The following MED1 variants were observed in gnomAD, a reference collection of about 807,000 sequenced individuals.
The protein encoded by MED1 is mediator complex subunit 1, also known as mediator of RNA polymerase II transcription subunit 1.
Under a neutral mutation model 121.3 loss-of-function variants are expected in MED1, and 17 were observed. That is an observed-to-expected ratio of 0.14 (90% confidence interval 0.10 to 0.21). The LOEUF is 0.21. MED1 is among the 10% of genes least tolerant of loss of function. MED1 has a pLI of 1.00. For synonymous variants in MED1, 661 were observed against 694.4 expected (o/e 0.95, Z 0.76); for missense variants, 1,558 against 1,919.4 (o/e 0.81, Z 3.52).
chr17:39,420,599 C>G (rs2144732877), intron 13 of MED1, among the ~76,000 whole-genome samples: 1 of 151,976 alleles, frequency 6.6e-6, no homozygotes, highest in Non-Finnish European at 1.5e-5. Context: ...CAGATAAATA[C>G]AAGTCCAGAT....
rs1454655055 is a variant in MED1 at position 39,431,952 on chromosome 17, T to C, written c.565A>G (p.Ile189Val). The C allele has an allele frequency of 3.7e-6, 6 of 1,600,866 alleles. No homozygotes were observed. Among genetic ancestry groups the C allele is most frequent in the Middle Eastern group, 1.7e-4 (1 of 6,042 alleles). The change falls in exon 8 of 17, where the codon ATT becomes GTT. Residue 189 changes from isoleucine to valine, a missense_variant. Physicochemically the swap from Ile to Val is conservative, Grantham distance 29. Transcript: ENST00000300651. ...SLEQDLSKMA[I>V]MYWKATNAGP... ...TTTTAGCAGTCTTACCAGTACATAATTGCCATTTTAGAAAGATCTTGTTCT... is the reference window on the plus strand; with the variant it reads ...TTTTAGCAGTCTTACCAGTACATAACTGCCATTTTAGAAAGATCTTGTTCT...
At position 39,405,179 on chromosome 17, in the gene MED1, A is replaced by T; in HGVS notation, c.*2296T>A. 1.3e-6 allele frequency: 2 copies of T among 1,526,564 alleles called. No individual in the cohort carries two copies. Among genetic ancestry groups the T allele is most frequent in the Non-Finnish European group, 1.8e-6 (2 of 1,132,332 alleles). The allele number at this position is 1,526,564 out of a possible 1,614,324, so 94.6% of individuals were successfully genotyped here. A position where few individuals can be genotyped will look rare whatever the true frequency, so the allele number is the denominator to read the frequency against. ...AGAAATGCAGTGCTCCCTGGTTCTC[A>T]GGCAGGGTGAAGCAGTTTAGCCCCG... On this transcript the variant is annotated 3_prime_UTR_variant, in exon 17 of 17. Transcript: ENST00000300651.
chr17:39,421,042 C>T (rs1457679574), intron 13 of MED1, among the ~76,000 whole-genome samples: 1 of 151,366 alleles, frequency 6.6e-6, no homozygotes, highest in Non-Finnish European at 1.5e-5. Flanking sequence ...ATGATCTGCC[C>T]GCCTCGGCCT....
rs150659548 is a variant in MED1 at position 39,407,848 on chromosome 17, G to T, written c.4373C>A (p.Pro1458His). ...CTCACTTTCACTGTCCAGATTCTGG[G>T]GGGTATATGCTGGTGACTTACTATG... is the stretch of plus-strand genomic sequence containing the variant. ...PSHSKSPAYT[P>H]QNLDSESESG... The change falls in exon 17 of 17, where the codon CCC becomes CAC. Residue 1458 changes from proline (P) to histidine (H), a missense_variant. Transcript: ENST00000300651. 1 of 1,614,136 alleles carries T rather than the reference G, an allele frequency of 6.2e-7. No individual in the cohort carries two copies. Among genetic ancestry groups the T allele is most frequent in the East Asian group, 2.2e-5 (1 of 44,892 alleles).
At chr17:39,420,993 T>C (rs2144733623) in intron 13 of MED1, among the ~76,000 whole-genome samples, 1 of 151,746 alleles carries the variant, frequency 6.6e-6, no homozygotes, top group South Asian at 2.1e-4. Context: ...TGACGGGGTT[T>C]CACCATGTTG....
At position 39,404,401 on chromosome 17, in the gene MED1, AGT is replaced by A. The variant is rs1252607709; in HGVS notation, c.*3072_*3073del. 1 of 152,364 alleles carries A rather than the reference AGT, an allele frequency of 6.6e-6. No homozygotes were observed. The highest frequency in any genetic ancestry group is 1.5e-5 in the Non-Finnish European group (1 of 68,036). The allele number at this position is 152,364 out of a possible 1,614,324, so 9.4% of individuals were successfully genotyped here. A position where few individuals can be genotyped will look rare whatever the true frequency, so the allele number is the denominator to read the frequency against. ...CTTTCAAAAAAATGAAAAACCCCAA[AGT>A]ATTTACAAAACGGCCATATGCACAG... On this transcript the variant is annotated 3_prime_UTR_variant, in exon 17 of 17. Coordinates refer to ENST00000300651, the MANE Select transcript of MED1 (RefSeq NM_004774.4).
At position 39,405,297 on chromosome 17, in the gene MED1, G is replaced by A. The variant is rs1277108614; in HGVS notation, c.*2178C>T. ...TATCCTTCATCCAGATCCTAACTCG[G>A]GATTCTTTGATCTGGGATGAAGACA... On this transcript the variant is annotated 3_prime_UTR_variant, in exon 17 of 17. Transcript: ENST00000300651. 6.2e-7 allele frequency: 1 copy of A among 1,605,092 alleles called. No homozygotes were observed. The highest frequency in any genetic ancestry group is 8.5e-7 in the Non-Finnish European group (1 of 1,176,440).
chr17:39,424,160 G>A (rs1467149185), intron 11 of MED1, among the ~76,000 whole-genome samples: 1 of 152,170 alleles, frequency 6.6e-6, no homozygotes, highest in Non-Finnish European at 1.5e-5. Flanking sequence ...TGGGATTACA[G>A]GCGTGAGCCA....
rs957472157 is a variant in MED1, at chr17:39,433,133, G to A, written c.500+1116C>T. On this transcript the variant is annotated intron_variant, in intron 7 of 16. Coordinates refer to ENST00000300651, the MANE Select transcript of MED1 (RefSeq NM_004774.4). ...CAGGAGAATCGCTTGAACCCAGGAG[G>A]CGGAGGTTGCAGTGAGCCGAGATGG... is the stretch of plus-strand genomic sequence containing the variant. 2.0e-5 allele frequency among the ~76,000 whole-genome samples: 3 copies of A among 152,224 alleles called. No individual in the cohort carries two copies. In the East Asian group the frequency reaches 5.8e-4, roughly 29 times the overall value.
chr17:39,442,996 CTTTTTTTTTT>C (rs754729976), intron 3 of MED1, among the ~76,000 whole-genome samples: 9 of 82,884 alleles, frequency 1.1e-4, no homozygotes, highest in African/African-American at 3.5e-4. Context: ...TCCCAGGTAT[CTTTTTTTTTT>C]TTTTTTTTTT....
At chr17:39,445,686 T>A (rs1486803083) in intron 2 of MED1, 2 of 152,038 alleles carry the variant, frequency 1.3e-5, no homozygotes, top group East Asian at 3.9e-4. Flanking sequence ...AATGACAGTA[T>A]CATTTACAGA....
In MED1 at chr17:39,408,041, T is replaced by A. The variant is rs776968486; in HGVS notation, c.4180A>T (p.Ile1394Phe). 1 of 1,614,240 alleles carries A rather than the reference T, an allele frequency of 6.2e-7. No individual in the cohort carries two copies. The change falls in exon 17 of 17, where the codon ATC becomes TTC. Residue 1394 changes from isoleucine to phenylalanine, a missense_variant. Coordinates refer to ENST00000300651, the MANE Select transcript of MED1 (RefSeq NM_004774.4). This position sits in a 1 kb window ranked among gnomAD's most constrained non-coding sequence, Gnocchi z 4.7. ...GGGGAGCCTCCATCATGCTTACTGA[T>A]GATAATTTTTGCCACACCTGTGCTC... ...VGSTGVAKIIISKHDGGSPSI... is the reference protein window; with the variant it reads ...VGSTGVAKIIFSKHDGGSPSI...
Position 39,424,025 on chromosome 17 carries a change from G to A in MED1, c.852-204C>T, listed in dbSNP as rs562929483. Among the ~76,000 whole-genome samples, 8 of 152,120 alleles carry A rather than the reference G, an allele frequency of 5.3e-5. No individual in the cohort carries two copies. The South Asian group carries it at 1.5e-3, about 28-fold the overall frequency. ...AGCTTCGTGAGTAGCTGGGACTACAGGTGCCCGCCACCACGCCCGGCTAAT... is the reference window on the plus strand; with the variant it reads ...AGCTTCGTGAGTAGCTGGGACTACAAGTGCCCGCCACCACGCCCGGCTAAT... On this transcript the variant is annotated intron_variant, in intron 11 of 16. Transcript: ENST00000300651.
At chr17:39,430,055 C>A (rs1489672142) in intron 9 of MED1, among the ~76,000 whole-genome samples, 1 of 152,048 alleles carries the variant, frequency 6.6e-6, no homozygotes, top group Non-Finnish European at 1.5e-5. Context: ...TGCACTCCAG[C>A]CTGGGCAACA....
intron 12 of MED1, 85 bp from the exon 13 acceptor site, chr17:39,423,530 A>C (rs1003401147): frequency 7.0e-7 from 1 of 1,421,976 alleles, no homozygotes; most frequent in African/African-American, 1.4e-5. Flanking sequence ...ACATTCATTC[A>C]CCCAAAAGAG....
In MED1 at chr17:39,405,031, G is replaced by C; in HGVS notation, c.*2444C>G. ...GAGAATACATAAGACACCAGCAGCA[G>C]AAGATAGGTAGAAGTTGACTTCATG... On this transcript the variant is annotated 3_prime_UTR_variant, in exon 17 of 17. Coordinates refer to ENST00000300651, the MANE Select transcript of MED1 (RefSeq NM_004774.4). 1 of 580,648 alleles carries C rather than the reference G, an allele frequency of 1.7e-6. No individual in the cohort carries two copies. The highest frequency in any genetic ancestry group is 2.9e-6 in the Non-Finnish European group (1 of 349,688). The allele number at this position is 580,648 out of a possible 1,614,324, so 36.0% of individuals were successfully genotyped here.
At chr17:39,416,923 G>T (rs1400582984) in intron 14 of MED1, among the ~76,000 whole-genome samples, 1 of 152,154 alleles carries the variant, frequency 6.6e-6, no homozygotes, top group Non-Finnish European at 1.5e-5. Flanking sequence ...CTATAGTCCA[G>T]CGACTTGAGG....
At position 39,423,834 on chromosome 17, in the gene MED1, G is replaced by C; in HGVS notation, c.852-13C>G. The C allele has an allele frequency of 6.3e-7, 1 of 1,593,392 alleles. No homozygotes were observed. The highest frequency in any genetic ancestry group is 8.5e-7 in the Non-Finnish European group (1 of 1,173,240). ...GAAGGAAGGGGTCCTTCAAAAAAAAGAGGGTGGAAGGGTTGGATTCTGACT... is the reference window on the plus strand; with the variant it reads ...GAAGGAAGGGGTCCTTCAAAAAAAACAGGGTGGAAGGGTTGGATTCTGACT... On this transcript the variant is annotated splice_polypyrimidine_tract_variant and intron_variant, in intron 11 of 16. Coordinates refer to ENST00000300651, the MANE Select transcript of MED1 (RefSeq NM_004774.4).
intron 14 of MED1, 104 bp downstream of exon 14, chr17:39,419,613 C>CT (rs1053340855): frequency 2.2e-5 from 24 of 1,103,560 alleles, no homozygotes; most frequent in Non-Finnish European, 2.8e-5. Context: ...AAAAAAAAAA[C>CT]TTTTTTTAAG....
Sources: allele counts gnomAD v4.1 joint callset (sites outside exome capture counted in the v4.1 genomes callset), GRCh38; gene constraint gnomAD v4.1.1; non-coding constraint Gnocchi (gnomAD v3.1); transcripts MANE v1.5; gene names NCBI Gene and HGNC (gene_info 2026-07-23, HGNC 2026-07-21).